SH3BGRL2: variants seen among roughly 807,000 people sequenced by gnomAD.
SH3BGRL2 encodes SH3 domain binding glutamate rich protein like 2, also known as SH3 domain-binding glutamic acid-rich-like protein 2.
SH3BGRL2 carries 21 observed loss-of-function variants against 14.8 expected under a neutral mutation model. The observed-to-expected ratio is 1.42, with a 90% CI of 1.01 to 2.05. SH3BGRL2 has a LOEUF of 2.05. SH3BGRL2 is among the 30% of genes most tolerant of loss of function. The pLI is 0.00. For synonymous variants in SH3BGRL2, 50 were observed against 47.8 expected (o/e 1.05, Z -0.19); for missense variants, 147 against 130.8 (o/e 1.12, Z -0.61).
At chr6:79,539,885 C>T in the SH3BGRL2 span, among the ~76,000 whole-genome samples, 2 of 152,248 alleles carry the variant, frequency 1.3e-5, no homozygotes, top group South Asian at 4.2e-4. Context: ...AAAGTTCAGT[C>T]ATCTATTTCA....
At chr6:79,661,780 G>C (rs982569823) in intron 1 of SH3BGRL2, among the ~76,000 whole-genome samples, 1 of 152,046 alleles carries the variant, frequency 6.6e-6, no homozygotes, top group Non-Finnish European at 1.5e-5. Flanking sequence ...CTCTTTGTAG[G>C]TCTCTAAGGA....
At chr6:79,664,109 C>T (rs1218462904) in intron 1 of SH3BGRL2, among the ~76,000 whole-genome samples, 6 of 152,226 alleles carry the variant, frequency 3.9e-5, no homozygotes, top group Non-Finnish European at 8.8e-5. Flanking sequence ...AATCCCCCAA[C>T]CCCTGTCCTT....
chr6:79,666,910 T>C (rs1368813240), intron 1 of SH3BGRL2, among the ~76,000 whole-genome samples: 1 of 152,218 alleles, frequency 6.6e-6, no homozygotes, highest in African/African-American at 2.4e-5. Flanking sequence ...ACTCAGAAGT[T>C]ACTATATTTT....
the SH3BGRL2 span, among the ~76,000 whole-genome samples, chr6:79,617,216 A>G: frequency 3.3e-5 from 5 of 152,086 alleles, no homozygotes; most frequent in Middle Eastern, 3.2e-3. Context: ...AAAAGAAAAG[A>G]AAAAGAAAAA....
chr6:79,663,145 T>A (rs1437911052), intron 1 of SH3BGRL2, among the ~76,000 whole-genome samples: 1 of 152,204 alleles, frequency 6.6e-6, no homozygotes, highest in African/African-American at 2.4e-5. Context: ...GAAGCCTACT[T>A]CTGTCTACTC....
At chr6:79,556,941 A>G in the SH3BGRL2 span, among the ~76,000 whole-genome samples, 1 of 152,014 alleles carries the variant, frequency 6.6e-6, no homozygotes, top group African/African-American at 2.4e-5. Context: ...CTTAAAATAT[A>G]TGTTCTGATT....
the SH3BGRL2 span, among the ~76,000 whole-genome samples, chr6:79,547,171 G>A: frequency 6.6e-6 from 1 of 151,990 alleles, no homozygotes; most frequent in Non-Finnish European, 1.5e-5. Context: ...CCTGAGAAGA[G>A]GATAAGAACC....
At chr6:79,690,858 C>T (rs1429209862) in intron 2 of SH3BGRL2, among the ~76,000 whole-genome samples, 1 of 152,108 alleles carries the variant, frequency 6.6e-6, no homozygotes, top group Non-Finnish European at 1.5e-5. Flanking sequence ...TCAAGATCAG[C>T]CTGGGCAATA....
the SH3BGRL2 span, among the ~76,000 whole-genome samples, chr6:79,579,642 G>A: frequency 6.6e-5 from 10 of 152,092 alleles, no homozygotes; most frequent in Non-Finnish European, 1.0e-4. Flanking sequence ...AAGAGCTCCC[G>A]AAGGAAGCAC....
At chr6:79,687,441 A>G (rs545375343) in intron 2 of SH3BGRL2, among the ~76,000 whole-genome samples, 1 of 152,156 alleles carries the variant, frequency 6.6e-6, no homozygotes, top group Non-Finnish European at 1.5e-5. Context: ...ACTATTAAAC[A>G]TGAATTAGGA....
intron 2 of SH3BGRL2, among the ~76,000 whole-genome samples, chr6:79,690,574 C>T (rs1441607483): frequency 1.3e-5 from 2 of 152,158 alleles, no homozygotes; most frequent in Non-Finnish European, 2.9e-5. Context: ...CAAGGGATTT[C>T]ACTAGTATTC....
chr6:79,545,126 A>C, the SH3BGRL2 span, among the ~76,000 whole-genome samples: 3 of 152,166 alleles, frequency 2.0e-5, no homozygotes, highest in African/African-American at 7.2e-5. Flanking sequence ...CCCTGTATTT[A>C]ATCTTCCCAA....
At chr6:79,589,269 C>G in the SH3BGRL2 span, among the ~76,000 whole-genome samples, 1 of 148,418 alleles carries the variant, frequency 6.7e-6, no homozygotes, top group Non-Finnish European at 1.5e-5. Flanking sequence ...TTATGAGAGG[C>G]CAACTATAAT....
chr6:79,560,156 TAAG>T, the SH3BGRL2 span, among the ~76,000 whole-genome samples: 2 of 152,170 alleles, frequency 1.3e-5, no homozygotes, highest in South Asian at 4.1e-4. Context: ...AACCTAATAA[TAAG>T]AAGTAATCTT....
chr6:79,658,689 CT>C (rs1769474697), intron 1 of SH3BGRL2, among the ~76,000 whole-genome samples: 1 of 152,186 alleles, frequency 6.6e-6, no homozygotes, highest in African/African-American at 2.4e-5. Context: ...AATGGTATTT[CT>C]AGTTCTAGAT....
chr6:79,668,383 C>T (rs552401314), intron 1 of SH3BGRL2, among the ~76,000 whole-genome samples: 5 of 152,236 alleles, frequency 3.3e-5, no homozygotes, highest in South Asian at 2.1e-4. Context: ...AAGATTTCCA[C>T]GGGTCATTGA....
Position 79,693,397 on chromosome 6 carries a change from A to G in SH3BGRL2, c.232-3088A>G, listed in dbSNP as rs565845478. 4.8e-3 allele frequency among the ~76,000 whole-genome samples: 733 copies of G among 151,242 alleles called. 4 individuals are homozygous for G. The highest frequency in any genetic ancestry group is 7.8e-3 in the Non-Finnish European group (530 of 67,650). On this transcript the variant is annotated intron_variant, in intron 2 of 3. Transcript: ENST00000369838. ...TGGCCAGGACTTCCAACACTATGTT[A>G]AATAGGAGTGGTGAGAGAGGGCATC...
At chr6:79,577,085 A>C in the SH3BGRL2 span, among the ~76,000 whole-genome samples, 3 of 152,078 alleles carry the variant, frequency 2.0e-5, no homozygotes, top group East Asian at 5.8e-4. Context: ...CTCTTTTTTG[A>C]AAAATAACTT....
chr6:79,648,279 T>TATATATATATATATATAAAA (rs752182712), intron 1 of SH3BGRL2, among the ~76,000 whole-genome samples: 1 of 117,186 alleles, frequency 8.5e-6, no homozygotes, highest in Non-Finnish European at 1.7e-5. Flanking sequence ...TATATATATA[T>TATATATATATATATATAAAA]ATATTTGACA....
Sources: allele counts gnomAD v4.1 joint callset (sites outside exome capture counted in the v4.1 genomes callset), GRCh38; gene constraint gnomAD v4.1.1; transcripts MANE v1.5; gene names NCBI Gene and HGNC (gene_info 2026-07-23, HGNC 2026-07-21).